IQCM: variants seen among roughly 807,000 people sequenced by gnomAD.
IQCM encodes the protein IQ motif containing M, also known as IQ domain-containing protein M.
A neutral mutation model predicts 57.6 loss-of-function variants in IQCM; 45 were observed. The ratio of observed to expected loss-of-function variants is 0.78; its 90% confidence interval spans 0.62 to 1.00. IQCM has a LOEUF of 1.00. IQCM is among the 50% of genes least tolerant of loss of function. The pLI, the probability that IQCM is intolerant of heterozygous loss-of-function variation, is 0.00. For synonymous variants in IQCM, 148 were observed against 158.9 expected, an observed-to-expected ratio of 0.93 and a Z score of 0.51; for missense variants, 468 against 511.6, an observed-to-expected ratio of 0.91 and a Z score of 0.82.
intron 12 of IQCM, among the ~76,000 whole-genome samples, chr4:149,547,981 T>C (rs567099425): frequency 3.3e-5 from 5 of 152,282 alleles, no homozygotes; most frequent in African/African-American, 1.2e-4. Flanking sequence ...ATTTTTCATG[T>C]ATTATTCAGA....
At chr4:149,593,475 C>G (rs1753423848) in intron 8 of IQCM, among the ~76,000 whole-genome samples, 1 of 152,018 alleles carries the variant, frequency 6.6e-6, no homozygotes, top group African/African-American at 2.4e-5. Flanking sequence ...TTGCCCTGGC[C>G]AGAACTTCCA....
Position 149,804,182 on chromosome 4 carries a change from G to A in IQCM, c.-49+11129C>T, listed in dbSNP as rs529404302. Among the ~76,000 whole-genome samples, 3 of 152,126 alleles carry A rather than the reference G, an allele frequency of 2.0e-5. No homozygotes were observed. In the East Asian group the frequency reaches 5.8e-4, roughly 29 times the overall value. On this transcript the variant is annotated intron_variant, in intron 2 of 13. Coordinates refer to ENST00000636793, the MANE Select transcript of IQCM (RefSeq NM_001363507.2). ...GCAGGTCATTATTAAGGAGAAGAGA[G>A]CACTGTGGGCTTATTTCAAAACAGT...
intron 2 of IQCM, among the ~76,000 whole-genome samples, chr4:149,764,235 T>C (rs1769819496): frequency 6.6e-6 from 1 of 152,146 alleles, no homozygotes; most frequent in Non-Finnish European, 1.5e-5. Flanking sequence ...TGGAATTTCC[T>C]TATCTGACCA....
At chr4:149,398,610 T>C (rs117995404) in intron 13 of IQCM, among the ~76,000 whole-genome samples, 2 of 152,126 alleles carry the variant, frequency 1.3e-5, no homozygotes, top group Non-Finnish European at 2.9e-5. Flanking sequence ...TGTGATGTTA[T>C]TGTAAACAGA....
At chr4:149,506,863 G>A (rs1362280665) in intron 12 of IQCM, among the ~76,000 whole-genome samples, 1 of 152,090 alleles carries the variant, frequency 6.6e-6, no homozygotes, top group Non-Finnish European at 1.5e-5. Context: ...AGAGTGTGAG[G>A]GGAAAGGTAA....
chr4:149,580,730 A>G (rs768413240), intron 9 of IQCM, among the ~76,000 whole-genome samples: 4 of 151,778 alleles, frequency 2.6e-5, no homozygotes, highest in Non-Finnish European at 4.4e-5. Flanking sequence ...AATTATTTCA[A>G]TTTTGAAAAG....
intron 7 of IQCM, among the ~76,000 whole-genome samples, chr4:149,626,163 T>G (rs1756776504): frequency 6.6e-6 from 1 of 151,852 alleles, no homozygotes; most frequent in Admixed American, 6.6e-5. Flanking sequence ...TCTAATCAAC[T>G]GCCAGCATAG....
At chr4:149,398,609 AT>A (rs1414391495) in intron 13 of IQCM, among the ~76,000 whole-genome samples, 2 of 152,046 alleles carry the variant, frequency 1.3e-5, no homozygotes, top group Non-Finnish European at 2.9e-5. Context: ...TTGTGATGTT[AT>A]TGTAAACAGA....
chr4:149,356,251 A>T (rs1193032647), intron 13 of IQCM, among the ~76,000 whole-genome samples: 4 of 152,184 alleles, frequency 2.6e-5, no homozygotes, highest in African/African-American at 9.6e-5. Context: ...TAGTTTAATT[A>T]GATCCCATTT....
At chr4:149,475,928 T>C (rs376786956) in intron 12 of IQCM, among the ~76,000 whole-genome samples, 1 of 151,946 alleles carries the variant, frequency 6.6e-6, no homozygotes, top group African/African-American at 2.4e-5. Flanking sequence ...GAATAAGATG[T>C]GAGGAATTGA....
At chr4:149,501,543 TA>T (rs1362487017) in intron 12 of IQCM, among the ~76,000 whole-genome samples, 3 of 151,722 alleles carry the variant, frequency 2.0e-5, no homozygotes, top group Non-Finnish European at 4.4e-5. Context: ...CCATAGAATG[TA>T]AAAAAATAAA....
chr4:149,541,885 T>C (rs562652392), intron 12 of IQCM, among the ~76,000 whole-genome samples: 1 of 152,222 alleles, frequency 6.6e-6, no homozygotes, highest in African/African-American at 2.4e-5. Flanking sequence ...GGTGAAATAT[T>C]CTACTGGATG....
intron 2 of IQCM, among the ~76,000 whole-genome samples, chr4:149,757,362 C>CA (rs1486305485): frequency 1.3e-5 from 2 of 149,000 alleles, no homozygotes; most frequent in South Asian, 2.2e-4. Flanking sequence ...TTAATAAGTA[C>CA]AAAAAAATAA....
In IQCM at chr4:149,558,665, T is replaced by C. The variant is rs531967563; in HGVS notation, c.948+5027A>G. Reference sequence around the variant, plus strand: ...GGGCAGCTTTTCGATAATATGACAATGAGCAGAGACCTGAATGAAGTAAAG... The same window carrying C: ...GGGCAGCTTTTCGATAATATGACAACGAGCAGAGACCTGAATGAAGTAAAG... On this transcript the variant is annotated intron_variant, in intron 10 of 13. Coordinates refer to ENST00000636793, the MANE Select transcript of IQCM (RefSeq NM_001363507.2). Among the ~76,000 whole-genome samples the C allele has an allele frequency of 4.7e-4, 72 of 152,244 alleles. No individual in the cohort carries two copies. The South Asian group carries it at 0.015, about 32-fold the overall frequency.
Position 149,808,470 on chromosome 4 carries a change from A to C in IQCM, c.-49+6841T>G, listed in dbSNP as rs559377841. On this transcript the variant is annotated intron_variant, in intron 2 of 13. Coordinates refer to ENST00000636793, the MANE Select transcript of IQCM (RefSeq NM_001363507.2). The stretch of plus-strand genomic sequence containing the variant: ...CAGTTACATAGCAATAAGTTCTAAT[A>C]TTTGATAGTGCAGTAAAGAAATTAT... Among the ~76,000 whole-genome samples, 19 of 152,272 alleles carry C rather than the reference A, an allele frequency of 1.2e-4. No individual in the cohort carries two copies. The South Asian group carries it at 3.7e-3, about 30-fold the overall frequency.
intron 5 of IQCM, among the ~76,000 whole-genome samples, chr4:149,700,070 G>A (rs970871709): frequency 2.0e-5 from 3 of 152,038 alleles, no homozygotes; most frequent in African/African-American, 7.2e-5. Flanking sequence ...TTGCCCCAAA[G>A]AGGACGGAGG....
chr4:149,465,210 G>A (rs554654830), intron 12 of IQCM, among the ~76,000 whole-genome samples: 6 of 152,266 alleles, frequency 3.9e-5, no homozygotes, highest in African/African-American at 7.2e-5. Flanking sequence ...GAAGAGCAAA[G>A]TAGTAATACA....
intron 13 of IQCM, among the ~76,000 whole-genome samples, chr4:149,377,227 A>C (rs1048777686): frequency 1.3e-5 from 2 of 152,208 alleles, no homozygotes; most frequent in Admixed American, 6.6e-5. Flanking sequence ...AAAAAAATTA[A>C]ATTTTATTTA....
At chr4:149,671,116 T>C (rs1186385447) in intron 7 of IQCM, among the ~76,000 whole-genome samples, 1 of 152,168 alleles carries the variant, frequency 6.6e-6, no homozygotes, top group Non-Finnish European at 1.5e-5. Context: ...CATCTGGTCC[T>C]GGACTCTTTT....
Sources: gnomAD v4.1 joint callset for allele counts (sites outside exome capture counted in the v4.1 genomes callset) on GRCh38, gnomAD v4.1.1 for gene constraint, MANE v1.5 for transcripts, NCBI Gene and HGNC (gene_info 2026-07-23, HGNC 2026-07-21) for gene names.